SPATS2: variants seen among roughly 807,000 people sequenced by gnomAD.
SPATS2 encodes spermatogenesis-associated serine-rich protein 2.
Under a neutral mutation model 63.7 loss-of-function variants are expected in SPATS2, and 38 were observed. The ratio of observed to expected loss-of-function variants is 0.60; its 90% CI spans 0.46 to 0.78. The LOEUF is 0.78. Ranked by LOEUF, SPATS2 falls within the 30% of genes least tolerant of loss-of-function variation. SPATS2 has a pLI of 0.00. For synonymous variants in SPATS2, 207 were observed against 232.9 expected (o/e 0.89, Z 1.01); for missense variants, 588 against 666.2 (o/e 0.88, Z 1.29).
chr12:49,379,111 A>G (rs1944162850), intron 2 of SPATS2, among the ~76,000 whole-genome samples: 1 of 149,238 alleles, frequency 6.7e-6, no homozygotes, highest in Non-Finnish European at 1.5e-5. Context: ...TAGTAGAGAC[A>G]GGGTTTCTCC....
chr12:49,512,265 G>T (rs1029296017), intron 9 of SPATS2, among the ~76,000 whole-genome samples: 2 of 151,980 alleles, frequency 1.3e-5, no homozygotes, highest in East Asian at 3.8e-4. Context: ...TGACATCATA[G>T]GACTTTTCAC....
intron 4 of SPATS2, 107 bp downstream of exon 4, chr12:49,484,776 A>G: frequency 1.1e-6 from 1 of 923,480 alleles, no homozygotes; most frequent in Non-Finnish European, 1.7e-6. Flanking sequence ...AATTTTAAGA[A>G]TAAAACAATG....
intron 3 of SPATS2, among the ~76,000 whole-genome samples, chr12:49,481,881 A>G (rs1256501255): frequency 6.6e-6 from 1 of 152,154 alleles, no homozygotes; most frequent in African/African-American, 2.4e-5. Flanking sequence ...GATAGAATAC[A>G]TGCTCTCTTA....
chr12:49,497,693 C>G lies in SPATS2; in HGVS notation c.703+684C>G, dbSNP rs184636714. ...ACAGGCGTGAGCCACTGCGCCCAGC[C>G]AACATTGACATTTTAAAGAAATATT... On this transcript the variant is annotated intron_variant, in intron 8 of 13. Coordinates refer to ENST00000552918, the MANE Select transcript of SPATS2 (RefSeq NM_023071.4). Among the ~76,000 whole-genome samples, 96 of 152,170 alleles carry G rather than the reference C, an allele frequency of 6.3e-4. 1 individual carries two copies. In the East Asian group the frequency reaches 0.017, roughly 26 times the overall value.
chr12:49,449,202 G>GT (rs892135484), intron 2 of SPATS2, among the ~76,000 whole-genome samples: 41 of 151,944 alleles, frequency 2.7e-4, no homozygotes, highest in East Asian at 1.4e-3. Flanking sequence ...TTTTCTGTCT[G>GT]TTTTTTTTGT....
chr12:49,458,959 A>C (rs1945770044), intron 2 of SPATS2, among the ~76,000 whole-genome samples: 1 of 152,174 alleles, frequency 6.6e-6, no homozygotes, highest in Non-Finnish European at 1.5e-5. Flanking sequence ...TCATGTGATA[A>C]AACATTTTAA....
intron 2 of SPATS2, among the ~76,000 whole-genome samples, chr12:49,377,483 A>G (rs562092131): frequency 1.3e-5 from 2 of 152,314 alleles, no homozygotes; most frequent in Non-Finnish European, 2.9e-5. Context: ...ATTATATTCA[A>G]TTTTTATATG....
chr12:49,412,785 A>T (rs1202075071), intron 2 of SPATS2, among the ~76,000 whole-genome samples: 1 of 152,096 alleles, frequency 6.6e-6, no homozygotes, highest in Non-Finnish European at 1.5e-5. Context: ...GTTTGAAGTT[A>T]GATAATAATA....
chr12:49,390,917 G>C (rs1170097321), intron 2 of SPATS2, among the ~76,000 whole-genome samples: 3 of 152,180 alleles, frequency 2.0e-5, no homozygotes, highest in African/African-American at 7.2e-5. Context: ...CAGTAATGAA[G>C]ATGAGATTTG....
intron 1 of SPATS2, among the ~76,000 whole-genome samples, chr12:49,369,523 T>G (rs1042982672): frequency 6.6e-6 from 1 of 152,240 alleles, no homozygotes; most frequent in African/African-American, 2.4e-5. Flanking sequence ...TTTTTTAAAA[T>G]CTTCACTACC....
intron 2 of SPATS2, among the ~76,000 whole-genome samples, chr12:49,420,363 G>A (rs1944958765): frequency 6.6e-6 from 1 of 152,196 alleles, no homozygotes; most frequent in Non-Finnish European, 1.5e-5. Flanking sequence ...GGAGGCCGCG[G>A]CCAGCAGACC....
chr12:49,435,022 C>CTTTTTTTTTT (rs776284070), intron 2 of SPATS2, among the ~76,000 whole-genome samples: 1 of 114,064 alleles, frequency 8.8e-6, no homozygotes, highest in African/African-American at 3.2e-5. Context: ...AACTGAATGG[C>CTTTTTTTTTT]TTTTTTTTTT....
chr12:49,484,191 CTG>C (rs1312363557), intron 3 of SPATS2, among the ~76,000 whole-genome samples: 17 of 152,242 alleles, frequency 1.1e-4, no homozygotes, highest in Non-Finnish European at 1.5e-5. Flanking sequence ...GAGGAAATAA[CTG>C]TGTGTTGTTA....
chr12:49,385,854 TGTTTGTTTG>T (rs1346492582), intron 2 of SPATS2, among the ~76,000 whole-genome samples: 120 of 131,804 alleles, frequency 9.1e-4, no homozygotes, highest in African/African-American at 4.1e-3. Context: ...TTTGTTTGTT[TGTTTGTTTG>T]TTTGTTTTTT....
At chr12:49,385,359 TG>T (rs1353223269) in intron 2 of SPATS2, among the ~76,000 whole-genome samples, 15 of 137,276 alleles carry the variant, frequency 1.1e-4, no homozygotes, top group Admixed American at 7.2e-5. Flanking sequence ...AGTATATAAG[TG>T]TGTGTGTGTG....
At chr12:49,384,872 C>G (rs1343361578) in intron 2 of SPATS2, among the ~76,000 whole-genome samples, 2 of 151,878 alleles carry the variant, frequency 1.3e-5, no homozygotes, top group Admixed American at 6.6e-5. Context: ...TGCAATGGCG[C>G]GACCTTGGCT....
intron 9 of SPATS2, among the ~76,000 whole-genome samples, chr12:49,502,086 G>C (rs560105136): frequency 4.6e-5 from 7 of 152,144 alleles, no homozygotes; most frequent in Non-Finnish European, 8.8e-5. Flanking sequence ...TTTAGTAACT[G>C]TCTAGATCTG....
intron 2 of SPATS2, chr12:49,389,750 A>G: frequency 6.6e-7 from 1 of 1,509,716 alleles, no homozygotes; most frequent in Admixed American, 1.7e-5. Flanking sequence ...AAATCAGAGA[A>G]TTGCAACAAG....
chr12:49,392,105 G>A (rs1001402181), intron 2 of SPATS2, among the ~76,000 whole-genome samples: 2 of 152,176 alleles, frequency 1.3e-5, no homozygotes, highest in Non-Finnish European at 2.9e-5. Flanking sequence ...GTTCATTGAG[G>A]CAGCTCTACT....
Sources: allele counts gnomAD v4.1 joint callset (sites outside exome capture counted in the v4.1 genomes callset), GRCh38; gene constraint gnomAD v4.1.1; transcripts MANE v1.5; gene names NCBI Gene and HGNC (gene_info 2026-07-23, HGNC 2026-07-21).